DENND2A: variants seen among roughly 807,000 people sequenced by gnomAD.
The protein encoded by DENND2A is DENN domain-containing protein 2A.
DENND2A carries 53 observed loss-of-function variants against 105.3 expected under a neutral mutation model. The observed-to-expected ratio is 0.50, with a 90% CI of 0.40 to 0.63. DENND2A has a LOEUF of 0.63. DENND2A is among the 30% of genes least tolerant of loss of function. DENND2A has a pLI of 0.00. For synonymous variants in DENND2A, 522 were observed against 508.4 expected (o/e 1.03, Z -0.36); for missense variants, 1,138 against 1,279.6 (o/e 0.89, Z 1.69).
intron 1 of DENND2A, among the ~76,000 whole-genome samples, chr7:140,606,181 C>G (rs1022209695): frequency 6.6e-6 from 1 of 151,252 alleles, no homozygotes; most frequent in Non-Finnish European, 1.5e-5. Context: ...GCTGGGATTA[C>G]AGGTGTGCAC....
rs544834504 is a variant in DENND2A at position 140,526,926 on chromosome 7, G to T, written c.2505+392C>A. On this transcript the variant is annotated intron_variant, in intron 15 of 19. Transcript: ENST00000496613. The stretch of plus-strand genomic sequence containing the variant: ...ATGCTAAACTGGACACCCAGAACTT[G>T]GGGATTAAAAACATTTGTAACGGAT... Among the ~76,000 whole-genome samples, 228 of 152,226 alleles carry T rather than the reference G, an allele frequency of 1.5e-3. No homozygotes were observed. The Middle Eastern group carries it at 0.037, about 25-fold the overall frequency.
At chr7:140,599,408 T>TGGAGCCAGAGAAAAATAAAAAA (rs1423062341) in intron 3 of DENND2A, among the ~76,000 whole-genome samples, 45 of 152,228 alleles carry the variant, frequency 3.0e-4, no homozygotes, top group African/African-American at 9.4e-4. Flanking sequence ...CCTGATTAAT[T>TGGAGCCAGAGAAAAATAAAAAA]AAACAGAATG....
chr7:140,574,866 A>G (rs1411219532), intron 5 of DENND2A, among the ~76,000 whole-genome samples: 1 of 151,950 alleles, frequency 6.6e-6, no homozygotes. Context: ...AAAAATACAA[A>G]AAAATTAGCC....
At chr7:140,639,245 G>C (rs531042844) in intron 1 of DENND2A, among the ~76,000 whole-genome samples, 153 of 151,864 alleles carry the variant, frequency 1.0e-3, no homozygotes, top group Non-Finnish European at 2.0e-3. Context: ...CCAGCTACTC[G>C]GGAAGCTGAG....
rs7794768 is a variant in DENND2A, at chr7:140,639,562, A to G, written c.-248+942T>C. Among the ~76,000 whole-genome samples, 474 of 152,212 alleles carry G rather than the reference A, an allele frequency of 3.1e-3. 4 individuals carry two copies. The highest frequency in any genetic ancestry group is 3.1e-3 in the Non-Finnish European group (210 of 68,022). The stretch of plus-strand genomic sequence containing the variant: ...TTGGTATCTGATATTTGATGATGTA[A>G]GGAGAAGGGATTTCTTTCTCTTCTT... On this transcript the variant is annotated intron_variant, in intron 1 of 19. Transcript: ENST00000496613.
At chr7:140,640,891 T>G (rs2130754744), upstream of DENND2A, 1 of 149,296 alleles carries the variant, frequency 6.7e-6, no homozygotes. This position sits in a 1 kb window ranked among gnomAD's most constrained non-coding sequence, Gnocchi z 4.9. Flanking sequence ...GCCCGGCCGG[T>G]TGCCACGGCA....
At chr7:140,582,786 G>A (rs1172196069) in intron 5 of DENND2A, among the ~76,000 whole-genome samples, 2 of 152,238 alleles carry the variant, frequency 1.3e-5, no homozygotes, top group Non-Finnish European at 2.9e-5. Flanking sequence ...GCTGGAAACA[G>A]AGCCTTGCCA....
At chr7:140,526,246 G>A (rs1796052131) in intron 15 of DENND2A, among the ~76,000 whole-genome samples, 2 of 152,172 alleles carry the variant, frequency 1.3e-5, no homozygotes, top group Non-Finnish European at 2.9e-5. Flanking sequence ...TGCAGACTCG[G>A]TTAGGCTTTG....
intron 18 of DENND2A, among the ~76,000 whole-genome samples, chr7:140,521,156 G>C (rs1023476485): frequency 6.6e-6 from 1 of 152,124 alleles, no homozygotes; most frequent in Non-Finnish European, 1.5e-5. Context: ...GATTACAGGC[G>C]TGAGCCACCA....
In DENND2A at chr7:140,568,673, C is replaced by T. The variant is rs114619340; in HGVS notation, c.1591+90G>A. 1.5e-3 allele frequency: 2,102 copies of T among 1,361,864 alleles called. 22 individuals carry two copies. In the African/African-American group the frequency reaches 0.024, roughly 15 times the overall value. 84.4% of individuals were successfully genotyped at this position (1,361,864 alleles called of 1,614,324 possible). Reference sequence around the variant, plus strand: ...CCTTGCCAAGCAAGCTCCGGCAGGACGCTTCTGTCCCTCATACTAAGGAGG... The same window carrying T: ...CCTTGCCAAGCAAGCTCCGGCAGGATGCTTCTGTCCCTCATACTAAGGAGG... On this transcript the variant is annotated intron_variant, in intron 8 of 19. Transcript: ENST00000496613.
At position 140,527,363 on chromosome 7, in the gene DENND2A, C is replaced by A; in HGVS notation, c.2460G>T (p.Leu820=). The A allele has an allele frequency of 6.2e-7, 1 of 1,602,640 alleles. No individual in the cohort carries two copies. ...TGAGCAGTGGCAGCGAGCTGGAGAG[C>A]AGCCCGATGAGGAAGGGCGTCGGCG... is the stretch of plus-strand genomic sequence containing the variant. The part of the protein sequence containing the change: ...VCSPTPFLIG[L]LSSSLPLLRE... The change falls in exon 15 of 20, where the codon CTG becomes CTT. Residue 820 remains leucine (L), a synonymous_variant. Coordinates refer to ENST00000496613, the MANE Select transcript of DENND2A (RefSeq NM_015689.5). The surrounding 1 kb of genome is among the most constrained non-coding windows in gnomAD (Gnocchi z 4.9).
intron 5 of DENND2A, among the ~76,000 whole-genome samples, chr7:140,577,141 T>C (rs1418572032): frequency 6.6e-6 from 1 of 152,186 alleles, no homozygotes; most frequent in South Asian, 2.1e-4. Flanking sequence ...GCTTTCATGA[T>C]GCGGTGGGAT....
At chr7:140,599,359 TG>T (rs1799398874) in intron 3 of DENND2A, among the ~76,000 whole-genome samples, 1 of 151,836 alleles carries the variant, frequency 6.6e-6, no homozygotes, top group South Asian at 2.1e-4. Flanking sequence ...TAATACATTA[TG>T]AAGTTAAAAT....
At chr7:140,567,776 C>T (rs1797925088) in intron 8 of DENND2A, among the ~76,000 whole-genome samples, 2 of 152,094 alleles carry the variant, frequency 1.3e-5, no homozygotes, top group South Asian at 4.1e-4. Flanking sequence ...GGCAGAGATC[C>T]CACTAACTCA....
At chr7:140,532,533 C>CA in intron 14 of DENND2A, among the ~76,000 whole-genome samples, 1 of 152,312 alleles carries the variant, frequency 6.6e-6, no homozygotes, top group East Asian at 1.9e-4. Flanking sequence ...TTCACAGTTA[C>CA]AGAATGACAG....
chr7:140,539,267 G>A (rs1418770930), intron 14 of DENND2A, among the ~76,000 whole-genome samples: 1 of 152,166 alleles, frequency 6.6e-6, no homozygotes, highest in South Asian at 2.1e-4. Context: ...AGGTGGATAC[G>A]GATTCTTCCA....
In DENND2A at chr7:140,518,581, G is replaced by C. The variant is rs147788008; in HGVS notation, c.*126C>G. On this transcript the variant is annotated 3_prime_UTR_variant, in exon 20 of 20. Coordinates refer to ENST00000496613, the MANE Select transcript of DENND2A (RefSeq NM_015689.5). ...CCAGGGAAGAGCCCAGCCTCGGCCA[G>C]AAGCCACCGCGGCCTCCAGTTCCGC... 823 of 983,194 alleles carry C rather than the reference G, an allele frequency of 8.4e-4. 9 individuals are homozygous for C. In the African/African-American group the frequency reaches 0.012, roughly 14 times the overall value. The allele number at this position is 983,194 out of a possible 1,614,324, so 60.9% of individuals were successfully genotyped here.
intron 2 of DENND2A, among the ~76,000 whole-genome samples, chr7:140,604,726 C>T (rs1346498200): frequency 6.6e-6 from 1 of 152,192 alleles, no homozygotes; most frequent in African/African-American, 2.4e-5. Flanking sequence ...GAGCTAAATA[C>T]ATGGGCTTTG....
At chr7:140,591,667 CTTTCT>C in intron 3 of DENND2A, among the ~76,000 whole-genome samples, 1 of 148,210 alleles carries the variant, frequency 6.7e-6, no homozygotes, top group African/African-American at 2.6e-5. Context: ...TTCTTTCTTT[CTTTCT>C]CTTTCTTTCT....
Sources: gnomAD v4.1 joint callset for allele counts (sites outside exome capture counted in the v4.1 genomes callset) on GRCh38, gnomAD v4.1.1 for gene constraint, Gnocchi (gnomAD v3.1) non-coding constraint, MANE v1.5 for transcripts, NCBI Gene and HGNC (gene_info 2026-07-23, HGNC 2026-07-21) for gene names.